CLNK: variants seen among roughly 807,000 people sequenced by gnomAD.
CLNK encodes cytokine-dependent hematopoietic cell linker.
A neutral mutation model predicts 68.6 loss-of-function variants in CLNK; 74 were observed. That is an observed-to-expected ratio of 1.08 (90% CI 0.89 to 1.31). The LOEUF (loss-of-function observed/expected upper bound fraction) is 1.31. CLNK is among the 50% of genes most tolerant of loss of function. The pLI is 0.00. For missense variants in CLNK, 553 were observed against 515.3 expected (o/e 1.07, Z -0.71); for synonymous variants, 198 against 172.2 (o/e 1.15, Z -1.17).
chr4:10,588,237 G>C (rs1012451388), intron 3 of CLNK, among the ~76,000 whole-genome samples: 1 of 152,206 alleles, frequency 6.6e-6, no homozygotes, highest in Non-Finnish European at 1.5e-5. Flanking sequence ...AAGGCAAACC[G>C]TTCCTGAGAT....
At chr4:10,655,474 C>T (rs994416063) in intron 2 of CLNK, among the ~76,000 whole-genome samples, 1 of 151,332 alleles carries the variant, frequency 6.6e-6, no homozygotes, top group African/African-American at 2.4e-5. Context: ...ATATAAATTC[C>T]AAGATATCAT....
intron 2 of CLNK, among the ~76,000 whole-genome samples, chr4:10,647,350 A>G (rs1162421833): frequency 6.6e-6 from 1 of 152,066 alleles, no homozygotes; most frequent in East Asian, 1.9e-4. Context: ...CTATATTATT[A>G]CTTTTTATGA....
At chr4:10,652,888 A>G (rs1043736320) in intron 2 of CLNK, among the ~76,000 whole-genome samples, 1 of 152,222 alleles carries the variant, frequency 6.6e-6, no homozygotes, top group African/African-American at 2.4e-5. Context: ...AGACACATGC[A>G]CATGTATGTT....
rs765868313 is a variant in CLNK at position 10,540,536 on chromosome 4, A to T, written c.560T>A (p.Leu187Ter). The T allele has an allele frequency of 1.2e-6, 2 of 1,613,818 alleles. No homozygotes were observed. Among genetic ancestry groups the T allele is most frequent in the Non-Finnish European group, 1.7e-6 (2 of 1,179,796 alleles). The change falls in exon 11 of 19, where the codon TTA becomes TAA. Residue 187 changes from leucine to a stop codon, truncating the protein, a stop_gained. Coordinates refer to ENST00000226951, the MANE Select transcript of CLNK (RefSeq NM_052964.4). LOFTEE classifies it high-confidence loss of function. ...PPEPESSRPP[L>*]SQRHTFPEVQ... ...TTCTGGAAAGGTGTGTCTCTGAGAT[A>T]AAGGTGGCCTGCTGCTCTCCGGCTC... is the stretch of plus-strand genomic sequence containing the variant.
At chr4:10,673,245 G>A (rs745478897) in intron 1 of CLNK, among the ~76,000 whole-genome samples, 1 of 152,148 alleles carries the variant, frequency 6.6e-6, no homozygotes, top group African/African-American at 2.4e-5. Flanking sequence ...AGAGCATAGA[G>A]CATAAGGTAT....
chr4:10,660,426 C>A (rs1724152060), intron 2 of CLNK, among the ~76,000 whole-genome samples: 1 of 152,080 alleles, frequency 6.6e-6, no homozygotes, highest in Admixed American at 6.5e-5. Context: ...AGGAAATATC[C>A]AATACCATTT....
chr4:10,653,172 A>C (rs760263847), intron 2 of CLNK, among the ~76,000 whole-genome samples: 44 of 152,144 alleles, frequency 2.9e-4, no homozygotes, highest in Non-Finnish European at 5.4e-4. Flanking sequence ...GGTGAACATC[A>C]TACAGTGGGG....
At position 10,566,068 on chromosome 4, in the gene CLNK, T is replaced by C. The variant is rs556276159; in HGVS notation, c.233A>G (p.Glu78Gly). ...DYDDPELRME[E>G]TWQSIKILPA... ...TAAAATTTTAATCGACTGCCATGTC[T>C]CTTCCATCCGAAGCTCAGGGTCATC... is the stretch of plus-strand genomic sequence containing the variant. The change falls in exon 6 of 19, where the codon GAG (glutamate) becomes GGG (glycine). Residue 78 changes from glutamate (E) to glycine (G), a missense_variant. Physicochemically the swap from Glu to Gly is moderately conservative, Grantham distance 98 (BLOSUM62 -2). Coordinates refer to ENST00000226951, the MANE Select transcript of CLNK (RefSeq NM_052964.4). The C allele has an allele frequency of 2.7e-5, 43 of 1,613,986 alleles. 1 individual carries two copies. In the South Asian group the frequency reaches 3.8e-4, roughly 14 times the overall value.
chr4:10,732,468 G>A, the CLNK span, among the ~76,000 whole-genome samples: 3 of 152,160 alleles, frequency 2.0e-5, no homozygotes, highest in African/African-American at 4.8e-5. Context: ...GACTGAACTT[G>A]GAAAAGTCCT....
At chr4:10,726,561 T>C in the CLNK span, among the ~76,000 whole-genome samples, 2 of 150,980 alleles carry the variant, frequency 1.3e-5, no homozygotes, top group African/African-American at 2.4e-5. Context: ...GTTACACTCC[T>C]AGGTCCTGGA....
At chr4:10,528,638 GCA>G (rs1475249479) in intron 12 of CLNK, among the ~76,000 whole-genome samples, 1 of 152,126 alleles carries the variant, frequency 6.6e-6, no homozygotes, top group Admixed American at 6.5e-5. Context: ...CTGTAAGTAG[GCA>G]CCCATGTTAC....
intron 4 of CLNK, among the ~76,000 whole-genome samples, chr4:10,575,334 C>A (rs1168472573): frequency 2.0e-5 from 3 of 152,242 alleles, no homozygotes; most frequent in African/African-American, 7.2e-5. Context: ...CTTGCACACA[C>A]CATCCCTCTG....
intron 3 of CLNK, among the ~76,000 whole-genome samples, chr4:10,592,312 AC>A (rs919679380): frequency 1.3e-5 from 2 of 151,940 alleles, no homozygotes; most frequent in Admixed American, 6.6e-5. Context: ...AAAAACAAAA[AC>A]AAAAATATTT....
chr4:10,652,190 G>A (rs1429062404), intron 2 of CLNK, among the ~76,000 whole-genome samples: 2 of 151,934 alleles, frequency 1.3e-5, no homozygotes, highest in East Asian at 1.9e-4. Flanking sequence ...AGGCCAGCCT[G>A]GCCAACATGA....
At chr4:10,495,800 G>A (rs144945290) in intron 18 of CLNK, among the ~76,000 whole-genome samples, 51 of 148,674 alleles carry the variant, frequency 3.4e-4, no homozygotes, top group African/African-American at 1.1e-3. Flanking sequence ...TAGAGAGAGC[G>A]ATGAGGAGAA....
intron 16 of CLNK, among the ~76,000 whole-genome samples, chr4:10,512,268 T>C (rs969402643): frequency 1.3e-4 from 20 of 151,924 alleles, no homozygotes. Context: ...TCTAGCTCTG[T>C]TGCCCAGGCT....
At chr4:10,600,476 C>T (rs879553979) in intron 2 of CLNK, among the ~76,000 whole-genome samples, 5 of 152,116 alleles carry the variant, frequency 3.3e-5, no homozygotes, top group African/African-American at 1.2e-4. Flanking sequence ...ATTTAGGGAG[C>T]CAGGCCATAA....
At chr4:10,679,433 T>C (rs537057498) in intron 1 of CLNK, among the ~76,000 whole-genome samples, 1 of 152,286 alleles carries the variant, frequency 6.6e-6, no homozygotes, top group South Asian at 2.1e-4. Context: ...ACCTAGGCAA[T>C]ACCATTCAGG....
At chr4:10,508,501 C>A (rs1717411729) in intron 16 of CLNK, among the ~76,000 whole-genome samples, 1 of 152,102 alleles carries the variant, frequency 6.6e-6, no homozygotes, top group Admixed American at 6.6e-5. Flanking sequence ...TGATTCGGAT[C>A]CTAGTTTATC....
Sources: allele counts gnomAD v4.1 joint callset (sites outside exome capture counted in the v4.1 genomes callset), GRCh38; gene constraint gnomAD v4.1.1; transcripts MANE v1.5; gene names NCBI Gene and HGNC (gene_info 2026-07-23, HGNC 2026-07-21).